Variants in GPC5 observed in about 807,000 individuals in gnomAD.
The protein encoded by GPC5 is glypican 5.
Under a neutral mutation model 53.9 loss-of-function variants are expected in GPC5, and 47 were observed. The observed-to-expected ratio is 0.87, with a 90% CI of 0.69 to 1.11. GPC5 has a LOEUF of 1.11. GPC5 is among the 50% of genes most tolerant of loss of function. GPC5 has a pLI of 0.00. For synonymous variants in GPC5, 286 were observed against 263.3 expected, an observed-to-expected ratio of 1.09 and a Z score of -0.84; for missense variants, 748 against 713.1, an observed-to-expected ratio of 1.05 and a Z score of -0.56.
At chr13:92,425,961 T>C (rs1284883775) in intron 7 of GPC5, among the ~76,000 whole-genome samples, 1 of 152,118 alleles carries the variant, frequency 6.6e-6, no homozygotes, top group African/African-American at 2.4e-5. Flanking sequence ...GTGTTGTTAA[T>C]AGCTCTCTAA....
At position 91,954,931 on chromosome 13, in the gene GPC5, A is replaced by G. The variant is rs190561726; in HGVS notation, c.1401+46874A>G. On this transcript the variant is annotated intron_variant, in intron 6 of 7. Transcript: ENST00000377067. ...TATAAGCTTAATTTCATAAAATCAT[A>G]TTCCTCATTTCCAACAACATACTTT... Among the ~76,000 whole-genome samples, 582 of 151,762 alleles carry G rather than the reference A, an allele frequency of 3.8e-3. 5 individuals are homozygous for G. The highest frequency in any genetic ancestry group is 0.013 in the African/African-American group (529 of 41,088).
chr13:92,413,851 A>T (rs551254698), intron 7 of GPC5, among the ~76,000 whole-genome samples: 7 of 152,302 alleles, frequency 4.6e-5, no homozygotes, highest in African/African-American at 1.7e-4. Flanking sequence ...AAATAATAGG[A>T]TGAACACTTA....
chr13:92,708,496 A>G (rs768479772), intron 7 of GPC5, among the ~76,000 whole-genome samples: 15 of 152,190 alleles, frequency 9.9e-5, no homozygotes, highest in Admixed American at 9.8e-4. Flanking sequence ...TACTGCAGAT[A>G]TAAACACCAT....
chr13:92,757,545 A>G (rs1355101171), intron 7 of GPC5, among the ~76,000 whole-genome samples: 1 of 152,192 alleles, frequency 6.6e-6, no homozygotes, highest in African/African-American at 2.4e-5. Context: ...TGAACAGGCA[A>G]CCTACAAAAT....
intron 2 of GPC5, among the ~76,000 whole-genome samples, chr13:91,572,661 G>A (rs1412098517): frequency 6.6e-6 from 1 of 151,930 alleles, no homozygotes; most frequent in Admixed American, 6.6e-5. Flanking sequence ...ATTCACGAGG[G>A]ATCTGCCCCC....
At chr13:91,586,522 A>G (rs1282463650) in intron 2 of GPC5, among the ~76,000 whole-genome samples, 1 of 25,438 alleles carries the variant, frequency 3.9e-5, no homozygotes, top group South Asian at 1.3e-3. Context: ...ATATATATAT[A>G]TATATATATA....
chr13:92,460,580 G>A (rs1878437937), intron 7 of GPC5, among the ~76,000 whole-genome samples: 1 of 152,114 alleles, frequency 6.6e-6, no homozygotes, highest in Non-Finnish European at 1.5e-5. Context: ...CATTCAAGGG[G>A]CTTATGCAGT....
chr13:91,639,882 G>A (rs920347973), intron 2 of GPC5, among the ~76,000 whole-genome samples: 1 of 152,156 alleles, frequency 6.6e-6, no homozygotes, highest in Non-Finnish European at 1.5e-5. Flanking sequence ...GAAGGGAAAC[G>A]AGTTTAAGAG....
At chr13:92,466,062 C>T (rs1566602438) in intron 7 of GPC5, among the ~76,000 whole-genome samples, 1 of 151,806 alleles carries the variant, frequency 6.6e-6, no homozygotes. Flanking sequence ...ATGTTCTCAC[C>T]ACAAAGGAAT....
At chr13:92,096,590 C>T (rs1163866105) in intron 6 of GPC5, among the ~76,000 whole-genome samples, 2 of 152,162 alleles carry the variant, frequency 1.3e-5, no homozygotes, top group African/African-American at 4.8e-5. Context: ...ACAAGGGTTC[C>T]ACTCTCATGA....
intron 6 of GPC5, among the ~76,000 whole-genome samples, chr13:92,106,927 T>A (rs1163621969): frequency 6.6e-6 from 1 of 152,122 alleles, no homozygotes; most frequent in Non-Finnish European, 1.5e-5. Context: ...GGTTCTCTCC[T>A]TCCTTTGAGA....
At chr13:91,500,508 A>C (rs1373475807) in intron 2 of GPC5, among the ~76,000 whole-genome samples, 1 of 152,196 alleles carries the variant, frequency 6.6e-6, no homozygotes, top group Non-Finnish European at 1.5e-5. Context: ...ATTTCAGATC[A>C]ACAGCAAATC....
Position 92,248,355 on chromosome 13 carries a change from A to G in GPC5, c.1561+103366A>G, listed in dbSNP as rs528041827. ...TAATGTGTGAAAGTTCAGATGTGAA[A>G]TAAATCTGCAGCTCATAGTAAGAAC... On this transcript the variant is annotated intron_variant, in intron 7 of 7. Transcript: ENST00000377067. Among the ~76,000 whole-genome samples the G allele has an allele frequency of 3.9e-5, 6 of 152,282 alleles. No homozygotes were observed. In the South Asian group the frequency reaches 1.2e-3, roughly 32 times the overall value.
chr13:92,062,100 A>ATT (rs2041128932), intron 6 of GPC5, among the ~76,000 whole-genome samples: 1 of 151,930 alleles, frequency 6.6e-6, no homozygotes. Flanking sequence ...GATGTCAAAG[A>ATT]AAGAAAAAGA....
At chr13:91,770,987 A>C (rs1160036329) in intron 5 of GPC5, among the ~76,000 whole-genome samples, 1 of 152,214 alleles carries the variant, frequency 6.6e-6, no homozygotes, top group Admixed American at 6.6e-5. Flanking sequence ...TCTGGAAAAT[A>C]TAAATCTTCT....
At chr13:91,837,701 A>G (rs954988128) in intron 5 of GPC5, among the ~76,000 whole-genome samples, 3 of 152,152 alleles carry the variant, frequency 2.0e-5, no homozygotes, top group Non-Finnish European at 4.4e-5. Flanking sequence ...TTTCATAGTA[A>G]TAACTTTTTT....
rs35535625 is a variant in GPC5 at position 92,440,248 on chromosome 13, C to T, written c.1561+295259C>T. 5.2e-3 allele frequency among the ~76,000 whole-genome samples: 789 copies of T among 152,246 alleles called. 13 individuals are homozygous for T. Among genetic ancestry groups the T allele is most frequent in the Middle Eastern group, 0.027 (8 of 294 alleles). ...ATAGGTAGTTTTTCAACACTTTACCCCTCCCTCTCTCTCCATTGTAGTAGT... is the reference window on the plus strand; with the variant it reads ...ATAGGTAGTTTTTCAACACTTTACCTCTCCCTCTCTCTCCATTGTAGTAGT... On this transcript the variant is annotated intron_variant, in intron 7 of 7. Coordinates refer to ENST00000377067, the MANE Select transcript of GPC5 (RefSeq NM_004466.6).
At chr13:92,775,776 T>C (rs1875781073) in intron 7 of GPC5, among the ~76,000 whole-genome samples, 1 of 152,218 alleles carries the variant, frequency 6.6e-6, no homozygotes, top group African/African-American at 2.4e-5. Context: ...AATTGAATCA[T>C]ATCACAGTCC....
chr13:92,236,867 C>A (rs2042574515), intron 7 of GPC5, among the ~76,000 whole-genome samples: 1 of 151,130 alleles, frequency 6.6e-6, no homozygotes, highest in African/African-American at 2.4e-5. Flanking sequence ...GTTTTGATTA[C>A]CTCTGCAATC....
Sources: gnomAD v4.1 joint callset for allele counts (sites outside exome capture counted in the v4.1 genomes callset) on GRCh38, gnomAD v4.1.1 for gene constraint, MANE v1.5 for transcripts, NCBI Gene and HGNC (gene_info 2026-07-23, HGNC 2026-07-21) for gene names.